GNG7: variants seen among roughly 807,000 people sequenced by gnomAD.
GNG7 encodes G protein subunit gamma 7, also known as guanine nucleotide-binding protein G(I)/G(S)/G(O) subunit gamma-7.
A neutral mutation model predicts 4.0 loss-of-function variants in GNG7; 1 was observed. The observed-to-expected ratio is 0.25, with a 90% CI of 0.09 to 1.18. The LOEUF is 1.18. Among genes scored for constraint, GNG7 ranks in the 50% most tolerant of loss-of-function variants. The pLI, the probability that GNG7 is intolerant of heterozygous loss-of-function variation, is 0.50. For missense variants in GNG7, 86 were observed against 91.9 expected (o/e 0.94, Z 0.26); for synonymous variants, 34 against 36.9 (o/e 0.92, Z 0.29).
intron 2 of GNG7, among the ~76,000 whole-genome samples, chr19:2,623,812 C>CG (rs1394871566): frequency 6.6e-6 from 1 of 151,724 alleles, no homozygotes; most frequent in Admixed American, 6.6e-5. Flanking sequence ...ATCTGGGAGG[C>CG]GGAGGTTGCA....
At chr19:2,652,195 T>C (rs970864481) in intron 1 of GNG7, among the ~76,000 whole-genome samples, 1 of 151,346 alleles carries the variant, frequency 6.6e-6, no homozygotes, top group African/African-American at 2.4e-5. Flanking sequence ...AATTAAAATA[T>C]TCGCATGCCA....
At chr19:2,682,204 C>T (rs995276038) in intron 1 of GNG7, among the ~76,000 whole-genome samples, 4 of 151,996 alleles carry the variant, frequency 2.6e-5, no homozygotes, top group African/African-American at 4.8e-5. Flanking sequence ...CCACCGCGCC[C>T]GGCCTGAAGC....
chr19:2,570,972 A>ATT (rs537285701), intron 2 of GNG7, among the ~76,000 whole-genome samples: 26,642 of 146,288 alleles, frequency 0.18, 2,573 homozygotes, highest in Middle Eastern at 0.26. Context: ...TAATGTTTGT[A>ATT]TTTTTTTTTT....
At chr19:2,541,094 C>T (rs1022451959) in intron 3 of GNG7, among the ~76,000 whole-genome samples, 3 of 152,234 alleles carry the variant, frequency 2.0e-5, no homozygotes, top group Admixed American at 1.3e-4. Flanking sequence ...CTGGGCCTGG[C>T]GGCCAGAGAG....
At chr19:2,527,785 C>T (rs373367384) in intron 3 of GNG7, among the ~76,000 whole-genome samples, 1 of 151,608 alleles carries the variant, frequency 6.6e-6, no homozygotes, top group Non-Finnish European at 1.5e-5. Flanking sequence ...CCCCCCCCCC[C>T]ACCAGTGCGC....
intron 1 of GNG7, among the ~76,000 whole-genome samples, chr19:2,699,902 G>A (rs770802189): frequency 5.9e-5 from 9 of 152,214 alleles, no homozygotes; most frequent in African/African-American, 1.2e-4. Context: ...GGTTCCTTAC[G>A]GGGTGCCCCT....
chr19:2,566,184 AAAAT>A (rs932271112), intron 2 of GNG7, among the ~76,000 whole-genome samples: 293 of 152,180 alleles, frequency 1.9e-3, no homozygotes, highest in African/African-American at 6.6e-3. Context: ...ATAAATATAA[AAAAT>A]AAATAAAGGG....
At chr19:2,638,527 A>AGGGG (rs1982392707) in intron 2 of GNG7, among the ~76,000 whole-genome samples, 1 of 12,982 alleles carries the variant, frequency 7.7e-5, no homozygotes, top group Non-Finnish European at 1.8e-4. Context: ...AGGGGAAGGG[A>AGGGG]AGAGGGAGGG....
intron 1 of GNG7, among the ~76,000 whole-genome samples, chr19:2,702,338 C>G (rs1237621063): frequency 9.4e-5 from 14 of 149,556 alleles, no homozygotes; most frequent in African/African-American, 3.2e-4. Flanking sequence ...TCTGCACCCC[C>G]TGCCCCGTCC....
Position 2,514,887 on chromosome 19 carries a change from G to T in GNG7, c.*135C>A. On this transcript the variant is annotated 3_prime_UTR_variant, in exon 5 of 5. Coordinates refer to ENST00000382159, the MANE Select transcript of GNG7 (RefSeq NM_052847.3). ...GGCGGGGAGAGGGGGGATTTCTTTT[G>T]GAATTAAAGGTTTTGGGGACTTGAG... The T allele has an allele frequency of 1.4e-6, 1 of 713,232 alleles. No individual in the cohort carries two copies. The highest frequency in any genetic ancestry group is 2.3e-6 in the Non-Finnish European group (1 of 438,664). 44.2% of individuals were successfully genotyped at this position (713,232 alleles called of 1,614,324 possible).
At chr19:2,577,822 A>T (rs1473131600) in intron 2 of GNG7, among the ~76,000 whole-genome samples, 3 of 151,142 alleles carry the variant, frequency 2.0e-5, no homozygotes, top group Admixed American at 6.6e-5. Flanking sequence ...ATCCCTATAT[A>T]AAATGTTATG....
intron 3 of GNG7, among the ~76,000 whole-genome samples, chr19:2,544,346 C>T (rs79393657): frequency 1.5e-3 from 235 of 152,300 alleles, no homozygotes; most frequent in African/African-American, 5.4e-3. Flanking sequence ...CACATCTGCA[C>T]GCCTGCTGTG....
rs1361731470 is a variant in GNG7, at chr19:2,653,578, C to T, written c.-134-7298G>A. Among the ~76,000 whole-genome samples the T allele has an allele frequency of 3.9e-5, 6 of 152,186 alleles. No individual in the cohort carries two copies. Among genetic ancestry groups the T allele is most frequent in the Non-Finnish European group, 8.8e-5 (6 of 68,034 alleles). On this transcript the variant is annotated intron_variant, in intron 1 of 4. Transcript: ENST00000382159. This position sits in a 1 kb window ranked among gnomAD's most constrained non-coding sequence, Gnocchi z 4.8. ...TTTTTTCCAGATGAATGTAGGGTCT[C>T]CCCCTCGGCACTGTGGGCATTGGGG...
At position 2,618,327 on chromosome 19, in the gene GNG7, T is replaced by G. The variant is rs1981774212; in HGVS notation, c.-78+27897A>C. On this transcript the variant is annotated intron_variant, in intron 2 of 4. Transcript: ENST00000382159. The surrounding 1 kb of genome is among the most constrained non-coding windows in gnomAD (Gnocchi z 5.1). The stretch of plus-strand genomic sequence containing the variant: ...CTCTCAGCCACATTTTTCTCTTTTC[T>G]ACCTGTATGTGTGTGGTGTGTGTGT... Among the ~76,000 whole-genome samples the G allele has an allele frequency of 6.6e-6, 1 of 150,970 alleles. No individual in the cohort carries two copies. The highest frequency in any genetic ancestry group is 1.5e-5 in the Non-Finnish European group (1 of 67,878).
At position 2,684,135 on chromosome 19, in the gene GNG7, ATTTTTT is replaced by A. The variant is rs547594113; in HGVS notation, c.-135+18505_-135+18510del. ...TCAGGAGTTCGAGACCAGCCTGGCC[ATTTTTT>A]TTTTTTTTTTTTTGAGATGGAGTCT... is the stretch of plus-strand genomic sequence containing the variant. On this transcript the variant is annotated intron_variant, in intron 1 of 4. Transcript: ENST00000382159. 4.8e-5 allele frequency among the ~76,000 whole-genome samples: 6 copies of A among 125,332 alleles called. No individual in the cohort carries two copies. In the Admixed American group the frequency reaches 4.9e-4, roughly 10 times the overall value. 82.2% of individuals were successfully genotyped at this position (125,332 alleles called of 152,430 possible). A position where few individuals can be genotyped will look rare whatever the true frequency, so the allele number is the denominator to read the frequency against.
intron 2 of GNG7, among the ~76,000 whole-genome samples, chr19:2,607,601 A>G (rs1195366990): frequency 6.8e-6 from 1 of 146,058 alleles, no homozygotes; most frequent in South Asian, 2.2e-4. Flanking sequence ...AAGAAAAAAG[A>G]AAAAGAAATA....
chr19:2,520,793 C>A (rs3764585), intron 3 of GNG7, 68 bp from the exon 4 acceptor site: 404,358 of 700,866 alleles, frequency 0.58, 117,679 homozygotes, highest in Non-Finnish European at 0.59. Flanking sequence ...CAGGGGCGCC[C>A]GGCCTTGGCT....
At chr19:2,629,860 G>A (rs1020419032) in intron 2 of GNG7, among the ~76,000 whole-genome samples, 3 of 152,196 alleles carry the variant, frequency 2.0e-5, no homozygotes, top group African/African-American at 7.2e-5. Flanking sequence ...AGGGCACAGA[G>A]CTTTGCACAT....
chr19:2,542,408 G>A (rs1568237137), intron 3 of GNG7, among the ~76,000 whole-genome samples: 1 of 152,024 alleles, frequency 6.6e-6, no homozygotes, highest in Non-Finnish European at 1.5e-5. Context: ...GAGTCACCGC[G>A]CCTGGCCTGG....
Sources: allele counts gnomAD v4.1 joint callset (sites outside exome capture counted in the v4.1 genomes callset), GRCh38; gene constraint gnomAD v4.1.1; non-coding constraint Gnocchi (gnomAD v3.1); transcripts MANE v1.5; gene names NCBI Gene and HGNC (gene_info 2026-07-23, HGNC 2026-07-21).